PACRGL: variants seen among roughly 807,000 people sequenced by gnomAD.
The protein encoded by PACRGL is parkin coregulated like, also known as PACRG-like protein.
Under a neutral mutation model 34.5 loss-of-function variants are expected in PACRGL, and 38 were observed. That is an observed-to-expected ratio of 1.10 (90% CI 0.85 to 1.44). PACRGL has a LOEUF of 1.44. Among genes scored for constraint, PACRGL ranks in the 40% most tolerant of loss-of-function variants. The probability of loss-of-function intolerance (pLI) is 0.00; values close to 1 mark genes in which losing one functional copy is unlikely to be tolerated. For synonymous variants in PACRGL, 128 were observed against 100.1 expected, an observed-to-expected ratio of 1.28 and a Z score of -1.66; for missense variants, 305 against 281.4, an observed-to-expected ratio of 1.08 and a Z score of -0.60.
At chr4:20,742,929 A>G (rs112280486) in intron 8 of PACRGL, among the ~76,000 whole-genome samples, 50,024 of 151,810 alleles carry the variant, frequency 0.33, 8,680 homozygotes, top group African/African-American at 0.43. Context: ...ATAATAGACA[A>G]ACAGAGCCAA....
At chr4:20,724,103 A>G (rs1042925852) in intron 7 of PACRGL, among the ~76,000 whole-genome samples, 3 of 152,190 alleles carry the variant, frequency 2.0e-5, no homozygotes, top group Admixed American at 1.3e-4. Context: ...TTTTTCCTCT[A>G]TGCAAAATAA....
chr4:20,735,198 C>T (rs1467088612), downstream of PACRGL, among the ~76,000 whole-genome samples: 1 of 152,132 alleles, frequency 6.6e-6, no homozygotes, highest in African/African-American at 2.4e-5. Context: ...TTATAATTTA[C>T]ATGTGGACAG....
upstream of PACRGL, chr4:20,696,662 A>G (rs553076628): frequency 2.0e-5 from 3 of 152,302 alleles, no homozygotes; most frequent in East Asian, 3.9e-4. Flanking sequence ...TGTTGTACAA[A>G]CAGTATGTAC....
chr4:20,766,085 AG>A, the PACRGL span, among the ~76,000 whole-genome samples: 1 of 152,176 alleles, frequency 6.6e-6, no homozygotes, highest in Non-Finnish European at 1.5e-5. Flanking sequence ...AATACACATG[AG>A]CACTTTTTAT....
intron 3 of PACRGL, among the ~76,000 whole-genome samples, chr4:20,707,231 A>C (rs773076678): frequency 6.6e-6 from 1 of 152,188 alleles, no homozygotes; most frequent in Non-Finnish European, 1.5e-5. Context: ...AATCATCTTT[A>C]AGAGTAGGTA....
rs1347885485 is a variant in PACRGL, at chr4:20,729,575, T to TTTAA, written c.*2237_*2240dup. On this transcript the variant is annotated 3_prime_UTR_variant, in exon 9 of 9. Coordinates refer to ENST00000503585, the MANE Select transcript of PACRGL (RefSeq NM_001258345.3). ...CATAGAAACTGGAACTATGTGTTTT[T>TTTAA]TTAATTGTTGTAATCTTGTTTCCTT... is the stretch of plus-strand genomic sequence containing the variant. 6.4e-5 allele frequency: 9 copies of TTTAA among 141,084 alleles called. No individual in the cohort carries two copies. Among genetic ancestry groups the TTTAA allele is most frequent in the African/African-American group, 2.2e-4 (8 of 36,538 alleles). 8.7% of individuals were successfully genotyped at this position (141,084 alleles called of 1,614,324 possible). A position where few individuals can be genotyped will look rare whatever the true frequency, so the allele number is the denominator to read the frequency against.
chr4:20,732,101 A>G lies in PACRGL; in HGVS notation c.*4760A>G, dbSNP rs374008867. 163 of 1,474,208 alleles carry G rather than the reference A, an allele frequency of 1.1e-4. No individual in the cohort carries two copies. Among genetic ancestry groups the G allele is most frequent in the Non-Finnish European group, 9.5e-6 (10 of 1,053,848 alleles). The allele number at this position is 1,474,208 out of a possible 1,614,324, so 91.3% of individuals were successfully genotyped here. On this transcript the variant is annotated 3_prime_UTR_variant, in exon 9 of 9. Transcript: ENST00000503585. Reference sequence around the variant, plus strand: ...GGAAGAAAACAAAAATTGTATTTAGACTTATCCCTTAATACCCTCACACCT... The same window carrying G: ...GGAAGAAAACAAAAATTGTATTTAGGCTTATCCCTTAATACCCTCACACCT...
chr4:20,753,880 CAG>C (rs1754059789), downstream of PACRGL, among the ~76,000 whole-genome samples: 1 of 150,702 alleles, frequency 6.6e-6, no homozygotes, highest in Non-Finnish European at 1.5e-5. Flanking sequence ...TGTTTATTGA[CAG>C]ATTATTCTGA....
At chr4:20,744,022 TCAC>T in intron 8 of PACRGL, among the ~76,000 whole-genome samples, 1 of 152,114 alleles carries the variant, frequency 6.6e-6, no homozygotes, top group East Asian at 1.9e-4. Flanking sequence ...ATGCTCATCA[TCAC>T]TGGCCATCAG....
chr4:20,696,354 C>T (rs1016096695), upstream of PACRGL: 2 of 152,062 alleles, frequency 1.3e-5, no homozygotes, highest in African/African-American at 4.8e-5. Flanking sequence ...TCAATGAGAA[C>T]CTGGAATGAA....
chr4:20,731,994 T>G lies in PACRGL; in HGVS notation c.*4653T>G. On this transcript the variant is annotated 3_prime_UTR_variant, in exon 9 of 9. Transcript: ENST00000503585. ...TAGCTGAATTGATAGTTATTACACT[T>G]TCATTACTTACTTTTTGGCAGCTTT... The G allele has an allele frequency of 6.2e-7, 1 of 1,613,006 alleles. No homozygotes were observed. The highest frequency in any genetic ancestry group is 8.5e-7 in the Non-Finnish European group (1 of 1,179,588).
downstream of PACRGL, chr4:20,734,620 T>C: frequency 7.9e-7 from 1 of 1,273,122 alleles, no homozygotes; most frequent in Non-Finnish European, 1.1e-6. Flanking sequence ...TGGTGAGGCA[T>C]CCCTTACCTC....
intron 1 of PACRGL, among the ~76,000 whole-genome samples, chr4:20,702,900 A>C (rs1158712548): frequency 6.6e-6 from 1 of 152,168 alleles, no homozygotes; most frequent in Non-Finnish European, 1.5e-5. Flanking sequence ...GGATGAGATA[A>C]ATGAGATCAA....
At position 20,724,854 on chromosome 4, in the gene PACRGL, G is replaced by A; in HGVS notation, c.656G>A (p.Ser219Asn). 3 of 1,498,526 alleles carry A rather than the reference G, an allele frequency of 2.0e-6. No homozygotes were observed. The highest frequency in any genetic ancestry group is 2.6e-6 in the Non-Finnish European group (3 of 1,133,172). 92.8% of individuals were successfully genotyped at this position (1,498,526 alleles called of 1,614,324 possible). ...MDKKFKEPIT[S>N]ALQKLEQHGG... ...AAGAAATTCAAAGAGCCAATCACCAGCGCATTACAAAAGCTAGAGCAACAT... is the reference window on the plus strand; with the variant it reads ...AAGAAATTCAAAGAGCCAATCACCAACGCATTACAAAAGCTAGAGCAACAT... Residue 219 changes from serine to asparagine, a missense_variant, in exon 8 of 9, where the codon AGC becomes AAC. By Grantham distance (46) the Ser-to-Asn change is conservative. Transcript: ENST00000503585.
the PACRGL span, among the ~76,000 whole-genome samples, chr4:20,765,117 A>C: frequency 1.3e-5 from 2 of 152,204 alleles, no homozygotes; most frequent in Admixed American, 6.5e-5. Context: ...CAAATAGTTC[A>C]TATGCCTTTT....
downstream of PACRGL, among the ~76,000 whole-genome samples, chr4:20,753,457 C>T (rs766905891): frequency 3.8e-4 from 58 of 152,212 alleles, no homozygotes; most frequent in Middle Eastern, 3.4e-3. Context: ...CCAATTATAT[C>T]GAGAACACAG....
In PACRGL at chr4:20,712,888, T is replaced by C. The variant is rs1328068303; in HGVS notation, c.467T>C (p.Leu156Pro). 3 of 1,600,014 alleles carry C rather than the reference T, an allele frequency of 1.9e-6. No homozygotes were observed. Among genetic ancestry groups the C allele is most frequent in the East Asian group, 4.5e-5 (2 of 44,640 alleles). The change falls in exon 6 of 9, where the codon CTA (leucine) becomes CCA (proline). Residue 156 changes from leucine (L) to proline (P), a missense_variant. Coordinates refer to ENST00000503585, the MANE Select transcript of PACRGL (RefSeq NM_001258345.3). The stretch of plus-strand genomic sequence containing the variant: ...GCTCCTGAAAAAGCTATTCCTTTGC[T>C]ACCTAGACTGATTCCTGTGCTAAAG... ...KGAPEKAIPL[L>P]PRLIPVLKAA... is the part of the protein sequence containing the mutation.
At chr4:20,734,942 C>T (rs1341747203), downstream of PACRGL, among the ~76,000 whole-genome samples, 1 of 152,096 alleles carries the variant, frequency 6.6e-6, no homozygotes, top group Non-Finnish European at 1.5e-5. Context: ...TAATTGGAAA[C>T]TGAGTTAAAT....
chr4:20,716,103 C>T (rs1462748526), intron 7 of PACRGL: 7 of 1,525,162 alleles, frequency 4.6e-6, no homozygotes, highest in Non-Finnish European at 6.1e-6. Flanking sequence ...TAAATATTTA[C>T]TAGGACCCTG....
Sources: gnomAD v4.1 joint callset for allele counts (sites outside exome capture counted in the v4.1 genomes callset) on GRCh38, gnomAD v4.1.1 for gene constraint, MANE v1.5 for transcripts, NCBI Gene and HGNC (gene_info 2026-07-23, HGNC 2026-07-21) for gene names.